The following SMPX variants were observed in gnomAD, a reference collection of about 807,000 sequenced individuals.
SMPX encodes the protein small muscle protein X-linked.
In SMPX, 2 loss-of-function variants were observed where a neutral mutation model predicts 6.3. That is an observed-to-expected ratio of 0.32 (90% CI 0.13 to 0.99). The LOEUF (loss-of-function observed/expected upper bound fraction) is 0.99. SMPX is among the 50% of genes least tolerant of loss of function. The probability of loss-of-function intolerance (pLI) is 0.49; values close to 1 mark genes in which losing one functional copy is unlikely to be tolerated. For synonymous variants in SMPX, 32 were observed against 24.7 expected (o/e 1.30, Z -0.88); for missense variants, 60 against 66.8 (o/e 0.90, Z 0.36).
intron 4 of SMPX, among the ~76,000 whole-genome samples, chrX:21,720,663 A>C (rs1188274662): frequency 4.5e-5 from 5 of 112,226 alleles, no homozygotes; most frequent in Non-Finnish European, 9.4e-5. Context: ...GATCCTGGCT[A>C]CAGGGTAGGA....
chrX:21,729,443 C>T (rs764112816), intron 4 of SMPX, among the ~76,000 whole-genome samples: 12 of 111,753 alleles, frequency 1.1e-4, no homozygotes, highest in Non-Finnish European at 2.3e-4. Context: ...CACTAGAGGA[C>T]AGTAGCAGCC....
chrX:21,721,756 A>G (rs192333730), intron 4 of SMPX, among the ~76,000 whole-genome samples: 1 of 112,563 alleles, frequency 8.9e-6, no homozygotes, highest in Non-Finnish European at 1.9e-5. Flanking sequence ...CTCTGTAACT[A>G]AGAAAATTAG....
At chrX:21,727,697 G>A (rs1483119014) in intron 4 of SMPX, 1 of 111,976 alleles carries the variant, frequency 8.9e-6, no homozygotes, top group African/African-American at 3.3e-5. Context: ...CCAATTGACT[G>A]ACCCTGCCTC....
In SMPX at chrX:21,714,975, T is replaced by A. The variant is rs764209696; in HGVS notation, c.*15-8581A>T. 1.4e-4 allele frequency among the ~76,000 whole-genome samples: 16 copies of A among 112,010 alleles called. No homozygotes were observed. The East Asian group carries it at 4.5e-3, about 31-fold the overall frequency. ...TTTGTTTTTTCAAGTACCTTTTTTTTAATTATTGAGAATTTGAGGGATGAT... is the reference window on the plus strand; with the variant it reads ...TTTGTTTTTTCAAGTACCTTTTTTTAAATTATTGAGAATTTGAGGGATGAT... On this transcript the variant is annotated intron_variant, in intron 4 of 4. Coordinates refer to ENST00000379494, the MANE Select transcript of SMPX (RefSeq NM_014332.3).
intron 4 of SMPX, among the ~76,000 whole-genome samples, chrX:21,721,603 T>C (rs2092791789): frequency 8.9e-6 from 1 of 112,308 alleles, no homozygotes; most frequent in African/African-American, 3.2e-5. Flanking sequence ...CTGTGAAACA[T>C]ACCCATTCCC....
At chrX:21,728,419 C>T (rs773469476) in intron 4 of SMPX, among the ~76,000 whole-genome samples, 8 of 111,493 alleles carry the variant, frequency 7.2e-5, no homozygotes, top group African/African-American at 2.0e-4. Flanking sequence ...TCCCTAATGC[C>T]TGATATACTC....
intron 2 of SMPX, among the ~76,000 whole-genome samples, chrX:21,746,917 G>C (rs1486636619): frequency 1.8e-5 from 2 of 111,170 alleles, no homozygotes; most frequent in African/African-American, 6.5e-5. Flanking sequence ...AAAATATGTA[G>C]ACCTGTACCT....
chrX:21,716,479 G>A (rs192884126), intron 4 of SMPX, among the ~76,000 whole-genome samples: 73 of 112,282 alleles, frequency 6.5e-4, no homozygotes, highest in African/African-American at 2.1e-3. Context: ...GAACCCCAGT[G>A]TTCCTAAGGA....
In SMPX at chrX:21,706,226, G is replaced by A. The variant is rs1411355126; in HGVS notation, c.*183C>T. ...TGTTCTGTGAGGTGCCAAAAATGAA[G>A]ATAAAGTAAGAAATACAGCCAACTA... On this transcript the variant is annotated 3_prime_UTR_variant, in exon 5 of 5. Coordinates refer to ENST00000379494, the MANE Select transcript of SMPX (RefSeq NM_014332.3). 2.0e-6 allele frequency: 1 copy of A among 507,365 alleles called. No homozygotes were observed. The highest frequency in any genetic ancestry group is 2.7e-5 in the Admixed American group (1 of 37,720). 41.8% of individuals were successfully genotyped at this position (507,365 alleles called of 1,213,427 possible).
chrX:21,722,158 C>T (rs904441178), intron 4 of SMPX, among the ~76,000 whole-genome samples: 2 of 110,815 alleles, frequency 1.8e-5, no homozygotes, highest in South Asian at 7.8e-4. Flanking sequence ...GAGGCCCTGT[C>T]TCTAAAAAAA....
intron 1 of SMPX, 143 bp from the exon 2 acceptor site, chrX:21,754,445 C>T (rs898598566): frequency 5.8e-5 from 31 of 533,160 alleles, no homozygotes; most frequent in Admixed American, 2.5e-4. Flanking sequence ...TCCAAAGTTA[C>T]GAAGACACTC....
At chrX:21,722,425 T>C (rs2092792677) in intron 4 of SMPX, among the ~76,000 whole-genome samples, 1 of 111,862 alleles carries the variant, frequency 8.9e-6, no homozygotes, top group Non-Finnish European at 1.9e-5. Context: ...TTCCCAGTCA[T>C]TTCATCCAGG....
chrX:21,733,901 G>A, intron 4 of SMPX: 2 of 216,651 alleles, frequency 9.2e-6, no homozygotes, highest in Non-Finnish European at 1.7e-5. Flanking sequence ...CACTCCATTT[G>A]TCCAGAGGTG....
At chrX:21,714,275 G>A (rs1415901972) in intron 4 of SMPX, among the ~76,000 whole-genome samples, 2 of 111,732 alleles carry the variant, frequency 1.8e-5, no homozygotes, top group African/African-American at 6.5e-5. Flanking sequence ...TGTGTGTTAG[G>A]TGTGGGGACC....
chrX:21,749,122 A>G (rs957437960), intron 2 of SMPX, among the ~76,000 whole-genome samples: 4 of 112,371 alleles, frequency 3.6e-5, no homozygotes, highest in African/African-American at 1.3e-4. Context: ...ATTCTCTTCT[A>G]CACATAGATT....
At chrX:21,722,377 A>G (rs1222391518) in intron 4 of SMPX, among the ~76,000 whole-genome samples, 1 of 112,240 alleles carries the variant, frequency 8.9e-6, no homozygotes, top group Admixed American at 9.4e-5. Flanking sequence ...CCTTATTTAG[A>G]AATACTTTCA....
chrX:21,751,506 C>A (rs940705123), intron 2 of SMPX, among the ~76,000 whole-genome samples: 10 of 112,103 alleles, frequency 8.9e-5, no homozygotes, highest in African/African-American at 3.2e-4. Context: ...ACTAATTCTT[C>A]TCTTGATAGA....
intron 2 of SMPX, among the ~76,000 whole-genome samples, chrX:21,749,430 G>A (rs1215720263): frequency 8.9e-6 from 1 of 111,758 alleles, no homozygotes; most frequent in Non-Finnish European, 1.9e-5. Context: ...AGGGAGGCAC[G>A]CAGCATCCAT....
At chrX:21,740,853 C>T (rs1483422891) in intron 3 of SMPX, among the ~76,000 whole-genome samples, 1 of 112,190 alleles carries the variant, frequency 8.9e-6, no homozygotes, top group Non-Finnish European at 1.9e-5. Context: ...AACAGAAAAT[C>T]ACAACCTGCT....
Sources: gnomAD v4.1 joint callset for allele counts (sites outside exome capture counted in the v4.1 genomes callset) on GRCh38, gnomAD v4.1.1 for gene constraint, MANE v1.5 for transcripts, NCBI Gene and HGNC (gene_info 2026-07-23, HGNC 2026-07-21) for gene names.